The following GLCE variants were observed in gnomAD, a reference collection of about 807,000 sequenced individuals.
GLCE encodes the protein D-glucuronyl C5-epimerase.
Under a neutral mutation model 47.9 loss-of-function variants are expected in GLCE, and 19 were observed. That is an observed-to-expected ratio of 0.40 (90% CI 0.28 to 0.58). The LOEUF is 0.58. GLCE is among the 20% of genes least tolerant of loss of function. GLCE has a pLI of 0.48. For missense variants in GLCE, 556 were observed against 743.3 expected (o/e 0.75, Z 2.93); for synonymous variants, 245 against 263.4 (o/e 0.93, Z 0.68).
chr15:69,260,077 A>G (rs567341560), intron 3 of GLCE, among the ~76,000 whole-genome samples: 1 of 152,312 alleles, frequency 6.6e-6, no homozygotes, highest in South Asian at 2.1e-4. Flanking sequence ...TAAAAGTTGT[A>G]CTTAGAACTT....
intron 2 of GLCE, among the ~76,000 whole-genome samples, chr15:69,217,182 A>G (rs181317749): frequency 3.3e-5 from 5 of 151,922 alleles, no homozygotes; most frequent in Admixed American, 3.3e-4. Context: ...ATATATATAA[A>G]TTACATTGGA....
chr15:69,268,807 G>T lies in GLCE; in HGVS notation c.1417G>T (p.Ala473Ser). 1.2e-6 allele frequency: 2 copies of T among 1,614,112 alleles called. No individual in the cohort carries two copies. Among genetic ancestry groups the T allele is most frequent in the Non-Finnish European group, 1.7e-6 (2 of 1,179,964 alleles). ...TATATTCCTCAATTCAGCTTTAAGGGCAACAGCCCCTTATAAGTTTCTATC... is the reference window on the plus strand; with the variant it reads ...TATATTCCTCAATTCAGCTTTAAGGTCAACAGCCCCTTATAAGTTTCTATC... Reference protein sequence around the residue: ...DHIFLNSALRATAPYKFLSEQ... With the variant: ...DHIFLNSALRSTAPYKFLSEQ... Residue 473 changes from alanine (A) to serine (S), a missense_variant, in exon 5 of 5, where the codon GCA becomes TCA. Around this residue, in one of 3 missense-constraint regions of GLCE, gnomAD observed 245 missense variants for 368.1 expected, o/e 0.67. Coordinates refer to ENST00000261858, the MANE Select transcript of GLCE (RefSeq NM_015554.3).
intron 2 of GLCE, among the ~76,000 whole-genome samples, chr15:69,249,210 C>T (rs192373616): frequency 1.3e-5 from 2 of 152,222 alleles, no homozygotes; most frequent in Admixed American, 6.5e-5. Context: ...TGGGGAATGA[C>T]AAGTGCAAAT....
chr15:69,188,208 G>A (rs1431015649), intron 1 of GLCE, among the ~76,000 whole-genome samples: 1 of 152,062 alleles, frequency 6.6e-6, no homozygotes, highest in African/African-American at 2.4e-5. Context: ...CTCCAGCTTG[G>A]GCGACAGAGT....
At chr15:69,254,329 A>G (rs1287107010) in intron 2 of GLCE, among the ~76,000 whole-genome samples, 2 of 152,190 alleles carry the variant, frequency 1.3e-5, no homozygotes, top group African/African-American at 4.8e-5. Flanking sequence ...TTGCAATCAC[A>G]ACAGGCTCAT....
chr15:69,177,948 A>AT (rs945087242), intron 1 of GLCE, among the ~76,000 whole-genome samples: 1 of 152,192 alleles, frequency 6.6e-6, no homozygotes, highest in African/African-American at 2.4e-5. Context: ...TAATTCATTC[A>AT]TTTTTTGTAG....
chr15:69,207,387 T>C (rs2052167218), intron 1 of GLCE, among the ~76,000 whole-genome samples: 1 of 152,058 alleles, frequency 6.6e-6, no homozygotes, highest in South Asian at 2.1e-4. Context: ...AAAAAATTTC[T>C]CCATGCATCC....
At chr15:69,224,925 T>A (rs1321954513) in intron 2 of GLCE, among the ~76,000 whole-genome samples, 1 of 152,220 alleles carries the variant, frequency 6.6e-6, no homozygotes, top group Non-Finnish European at 1.5e-5. Flanking sequence ...GTCATCTTTC[T>A]TGAATCCCTC....
intron 4 of GLCE, 96 bp downstream of exon 4, chr15:69,261,425 A>G (rs1189994781): frequency 1.7e-6 from 2 of 1,173,630 alleles, no homozygotes; most frequent in Non-Finnish European, 2.4e-6. Context: ...AAAACACATA[A>G]GCAGACCCTT....
In GLCE at chr15:69,185,337, CT is replaced by C. The variant is rs1253017679; in HGVS notation, c.-105+24581del. 2.6e-5 allele frequency among the ~76,000 whole-genome samples: 4 copies of C among 152,118 alleles called. No individual in the cohort carries two copies. In the East Asian group the frequency reaches 5.8e-4, roughly 22 times the overall value. On this transcript the variant is annotated intron_variant, in intron 1 of 4. Transcript: ENST00000261858. ...CTCCTTATAACCAATAGTTTTTAAC[CT>C]CTTTCAACCTCCAGTAATTGACTTA... is the stretch of plus-strand genomic sequence containing the variant.
At chr15:69,242,624 AC>A (rs1482685314) in intron 2 of GLCE, among the ~76,000 whole-genome samples, 2 of 152,154 alleles carry the variant, frequency 1.3e-5, no homozygotes, top group African/African-American at 2.4e-5. Flanking sequence ...TTTGATGCAA[AC>A]AACTTTCCTT....
chr15:69,258,992 A>G (rs939726045), intron 3 of GLCE, among the ~76,000 whole-genome samples: 1 of 152,140 alleles, frequency 6.6e-6, no homozygotes, highest in Non-Finnish European at 1.5e-5. Flanking sequence ...TTTGCCAGCC[A>G]TTTTCCAGAA....
intron 2 of GLCE, among the ~76,000 whole-genome samples, chr15:69,246,021 G>T (rs748465507): frequency 3.9e-5 from 6 of 152,110 alleles, no homozygotes; most frequent in Non-Finnish European, 8.8e-5. Context: ...GAGCCACCGC[G>T]CCCGGCCAGT....
chr15:69,188,696 G>A (rs888383126), intron 1 of GLCE, among the ~76,000 whole-genome samples: 8 of 152,084 alleles, frequency 5.3e-5, no homozygotes, highest in African/African-American at 1.7e-4. Flanking sequence ...TTGACATCAA[G>A]TTGCTCATGA....
intron 1 of GLCE, among the ~76,000 whole-genome samples, chr15:69,167,372 A>T (rs2051520467): frequency 6.6e-6 from 1 of 152,264 alleles, no homozygotes; most frequent in Admixed American, 6.5e-5. Context: ...ACAATCAGAG[A>T]AAATCCTGAC....
At chr15:69,184,994 T>C (rs1252486937) in intron 1 of GLCE, among the ~76,000 whole-genome samples, 1 of 152,230 alleles carries the variant, frequency 6.6e-6, no homozygotes, top group Non-Finnish European at 1.5e-5. Flanking sequence ...GGATCCACCA[T>C]TGAGCTAAAG....
chr15:69,221,531 T>C (rs114599075), intron 2 of GLCE, among the ~76,000 whole-genome samples: 1,676 of 151,608 alleles, frequency 0.011, 31 homozygotes, highest in African/African-American at 0.038. Flanking sequence ...CATTTTCTTT[T>C]CAGATTGTTC....
intron 2 of GLCE, among the ~76,000 whole-genome samples, chr15:69,231,622 A>C (rs1288783185): frequency 6.6e-6 from 1 of 152,004 alleles, no homozygotes; most frequent in African/African-American, 2.4e-5. Flanking sequence ...GAGTTGATGG[A>C]CTATTCGCTG....
chr15:69,221,884 AAT>A (rs2052382103), intron 2 of GLCE, among the ~76,000 whole-genome samples: 1 of 150,996 alleles, frequency 6.6e-6, no homozygotes, highest in South Asian at 2.1e-4. Flanking sequence ...AAAAAAAAAA[AAT>A]ATGCCCTGGC....
Sources: gnomAD v4.1 joint callset for allele counts (sites outside exome capture counted in the v4.1 genomes callset) on GRCh38, gnomAD v4.1.1 for gene constraint, gnomAD v4.1.1 regional missense constraint, MANE v1.5 for transcripts, NCBI Gene and HGNC (gene_info 2026-07-23, HGNC 2026-07-21) for gene names.